TCF4: variants seen among roughly 807,000 people sequenced by gnomAD.
The protein encoded by TCF4 is transcription factor 4.
A neutral mutation model predicts 82.1 loss-of-function variants in TCF4; 3 were observed. The ratio of observed to expected loss-of-function variants is 0.04; its 90% CI spans 0.02 to 0.09. The LOEUF (loss-of-function observed/expected upper bound fraction) is 0.09. Ranked by LOEUF, TCF4 falls within the 10% of genes least tolerant of loss-of-function variation. The probability of loss-of-function intolerance (pLI) is 1.00; values close to 1 mark genes in which losing one functional copy is unlikely to be tolerated. For missense variants in TCF4, 518 were observed against 852.7 expected (o/e 0.61, Z 4.89); for synonymous variants, 276 against 309.6 (o/e 0.89, Z 1.14).
At chr18:55,452,879 C>T (rs1341193597) in intron 5 of TCF4, among the ~76,000 whole-genome samples, 1 of 152,182 alleles carries the variant, frequency 6.6e-6, no homozygotes, top group Non-Finnish European at 1.5e-5. Context: ...TTTTTTCCTA[C>T]TCCATCTTCC....
At chr18:55,500,109 G>A (rs1470550717) in intron 3 of TCF4, among the ~76,000 whole-genome samples, 2 of 152,136 alleles carry the variant, frequency 1.3e-5, no homozygotes, top group Non-Finnish European at 2.9e-5. Flanking sequence ...TTGAACCTGG[G>A]AGGCTGAGGC....
intron 5 of TCF4, among the ~76,000 whole-genome samples, chr18:55,458,133 T>G (rs9966430): frequency 0.31 from 47,180 of 152,120 alleles, 7,437 homozygotes; most frequent in Middle Eastern, 0.46. Context: ...GTCACTTATT[T>G]CTGTAGCAGA....
At chr18:55,549,359 TCTAA>T (rs1224856982) in intron 3 of TCF4, among the ~76,000 whole-genome samples, 2 of 152,160 alleles carry the variant, frequency 1.3e-5, no homozygotes, top group Non-Finnish European at 2.9e-5. Context: ...CTTAGCTTAC[TCTAA>T]CTTTTTTACC....
intron 17 of TCF4, 31 bp from the exon 18 acceptor site, chr18:55,229,107 A>C (rs1439459059): frequency 6.2e-7 from 1 of 1,609,634 alleles, no homozygotes; most frequent in South Asian, 1.1e-5. Flanking sequence ...AACATTTTCT[A>C]ATGGTGTGGG....
chr18:55,334,521 C>CA (rs201980432), intron 8 of TCF4, among the ~76,000 whole-genome samples: 246 of 150,312 alleles, frequency 1.6e-3, no homozygotes, highest in African/African-American at 5.1e-3. Flanking sequence ...ACATTCCTTT[C>CA]AAAAAAAAAG....
At chr18:55,601,994 C>A (rs2097697536) in intron 2 of TCF4, among the ~76,000 whole-genome samples, 1 of 152,044 alleles carries the variant, frequency 6.6e-6, no homozygotes, top group South Asian at 2.1e-4. Flanking sequence ...TCTTTCGTTT[C>A]TTTTTCTTTT....
intron 8 of TCF4, among the ~76,000 whole-genome samples, chr18:55,324,251 C>T (rs1262467993): frequency 6.6e-6 from 1 of 152,162 alleles, no homozygotes; most frequent in African/African-American, 2.4e-5. Context: ...AGATATAATG[C>T]TTTGAAAGGT....
intron 6 of TCF4, among the ~76,000 whole-genome samples, chr18:55,377,820 G>A (rs58240695): frequency 0.052 from 7,868 of 152,264 alleles, 268 homozygotes; most frequent in African/African-American, 0.096. Flanking sequence ...TGTTGAACTT[G>A]TATTACTTTG....
At chr18:55,587,002 G>GT (rs750111635) in intron 2 of TCF4, 43 bp downstream of exon 2, 36 of 1,575,982 alleles carry the variant, frequency 2.3e-5, no homozygotes, top group African/African-American at 4.1e-5. Flanking sequence ...TTTTTGTTTT[G>GT]TTTTTTTCAC....
At chr18:55,359,714 A>G (rs1028974663) in intron 6 of TCF4, among the ~76,000 whole-genome samples, 5 of 152,238 alleles carry the variant, frequency 3.3e-5, no homozygotes, top group Non-Finnish European at 7.3e-5. Context: ...ACATCACCTC[A>G]TGAATGCTTC....
intron 3 of TCF4, among the ~76,000 whole-genome samples, chr18:55,487,180 T>C (rs912611774): frequency 1.3e-5 from 2 of 152,204 alleles, no homozygotes; most frequent in Non-Finnish European, 2.9e-5. Context: ...TTACCTAATA[T>C]ATCCCTGGCT....
chr18:55,304,301 A>AAC (rs1161956238), intron 8 of TCF4, among the ~76,000 whole-genome samples: 6 of 152,324 alleles, frequency 3.9e-5, no homozygotes, highest in African/African-American at 1.4e-4. Context: ...CATAAACAAA[A>AAC]ATATAGGAAT....
intron 2 of TCF4, among the ~76,000 whole-genome samples, chr18:55,616,296 A>G (rs915293258): frequency 4.6e-5 from 7 of 152,106 alleles, no homozygotes; most frequent in Non-Finnish European, 1.5e-5. Context: ...GTGGTCACAC[A>G]TGACAGGATT....
At chr18:55,259,628 C>T in intron 13 of TCF4, 1 of 278,440 alleles carries the variant, frequency 3.6e-6, no homozygotes, top group Non-Finnish European at 6.8e-6. Flanking sequence ...GAGTTTTTTT[C>T]ATCTGAGACG....
At chr18:55,452,710 G>C (rs540420231) in intron 5 of TCF4, 8 of 152,486 alleles carry the variant, frequency 5.2e-5, no homozygotes, top group African/African-American at 1.7e-4. Context: ...GGAAAGCAAA[G>C]GTAAGGAGAG....
Position 55,300,421 on chromosome 18 carries a change from G to T in TCF4, c.550-20765C>A, listed in dbSNP as rs374677986. ...GGCAGGGAATGCAAAGTGGCAGGGAGTTGGGGGTGGGGGAGGGGTAAGTGG... is the reference window on the plus strand; with the variant it reads ...GGCAGGGAATGCAAAGTGGCAGGGATTTGGGGGTGGGGGAGGGGTAAGTGG... On this transcript the variant is annotated intron_variant, in intron 8 of 19. Coordinates refer to ENST00000354452, the MANE Select transcript of TCF4 (RefSeq NM_001083962.2). Among the ~76,000 whole-genome samples the T allele has an allele frequency of 1.6e-4, 11 of 70,208 alleles. No homozygotes were observed. The East Asian group carries it at 3.3e-3, about 21-fold the overall frequency. 46.1% of individuals were successfully genotyped at this position (70,208 alleles called of 152,430 possible). A position where few individuals can be genotyped will look rare whatever the true frequency, so the allele number is the denominator to read the frequency against.
chr18:55,233,816 CAAAAAAA>C (rs34564671), intron 16 of TCF4, among the ~76,000 whole-genome samples: 13 of 62,976 alleles, frequency 2.1e-4, no homozygotes, highest in South Asian at 6.5e-4. Flanking sequence ...GAGGCTCTGT[CAAAAAAA>C]AAAAAAAAAA....
At chr18:55,587,953 G>A (rs2097668168) in intron 1 of TCF4, 85 bp downstream of exon 1, 2 of 958,462 alleles carry the variant, frequency 2.1e-6, no homozygotes, top group Non-Finnish European at 2.5e-6. Flanking sequence ...CGGGAGGCGC[G>A]GAGCCGCGTG....
At chr18:55,295,240 T>C (rs1421254751) in intron 8 of TCF4, among the ~76,000 whole-genome samples, 2 of 152,206 alleles carry the variant, frequency 1.3e-5, no homozygotes, top group Non-Finnish European at 2.9e-5. Context: ...ATATTTATGA[T>C]CTGTTTTCTG....
Sources: gnomAD v4.1 joint callset for allele counts (sites outside exome capture counted in the v4.1 genomes callset) on GRCh38, gnomAD v4.1.1 for gene constraint, MANE v1.5 for transcripts, NCBI Gene and HGNC (gene_info 2026-07-23, HGNC 2026-07-21) for gene names.